KCNH8: variants seen among roughly 807,000 people sequenced by gnomAD.
KCNH8 encodes voltage-gated delayed rectifier potassium channel KCNH8.
Under a neutral mutation model 103.6 loss-of-function variants are expected in KCNH8, and 70 were observed. That is an observed-to-expected ratio of 0.68 (90% CI 0.56 to 0.82). KCNH8 has a LOEUF of 0.82. Ranked by LOEUF, KCNH8 falls within the 40% of genes least tolerant of loss-of-function variation. The pLI, the probability that KCNH8 is intolerant of heterozygous loss-of-function variation, is 0.00. For missense variants in KCNH8, 1,217 were observed against 1,329.9 expected (o/e 0.92, Z 1.32); for synonymous variants, 498 against 489.4 (o/e 1.02, Z -0.23).
chr3:19,170,173 A>G (rs2063327035), intron 1 of KCNH8, among the ~76,000 whole-genome samples: 1 of 152,224 alleles, frequency 6.6e-6, no homozygotes. Flanking sequence ...ATGAATATTG[A>G]GGAAAAAAAC....
intron 1 of KCNH8, among the ~76,000 whole-genome samples, chr3:19,244,482 C>T (rs1407963916): frequency 2.0e-5 from 3 of 152,030 alleles, no homozygotes; most frequent in African/African-American, 7.2e-5. Context: ...TGTGTATATA[C>T]CCAGTAATGG....
intron 1 of KCNH8, among the ~76,000 whole-genome samples, chr3:19,249,329 T>C (rs1271462111): frequency 6.6e-6 from 1 of 152,196 alleles, no homozygotes; most frequent in Non-Finnish European, 1.5e-5. Context: ...ACAGGGACCA[T>C]TCATGTAGCT....
intron 1 of KCNH8, among the ~76,000 whole-genome samples, chr3:19,165,920 G>A (rs769708495): frequency 5.3e-5 from 8 of 152,132 alleles, no homozygotes; most frequent in Non-Finnish European, 1.0e-4. Context: ...AATGCTGAGC[G>A]TGATCCTGTC....
At position 19,533,514 on chromosome 3, in the gene KCNH8, C is replaced by T. The variant is rs749056512; in HGVS notation, c.2739C>T (p.Thr913=). ...QPSRFCSLHS[T]SVCPSRESLQ... ...CACGGTTTTGCTCTTTGCACAGCAC[C>T]TCTGTGTGTCCCTCCAGGGAGAGCT... Residue 913 remains threonine, a synonymous_variant, in exon 16 of 16, where the codon ACC becomes ACT. Transcript: ENST00000328405. 1.2e-6 allele frequency: 2 copies of T among 1,614,184 alleles called. No individual in the cohort carries two copies. The highest frequency in any genetic ancestry group is 4.5e-5 in the East Asian group (2 of 44,852).
At chr3:19,257,208 T>C (rs1310787565) in intron 2 of KCNH8, among the ~76,000 whole-genome samples, 2 of 152,068 alleles carry the variant, frequency 1.3e-5, no homozygotes, top group Non-Finnish European at 2.9e-5. Flanking sequence ...GCTTATCTTA[T>C]CCTCCCCAGA....
chr3:19,533,763 C>T lies in KCNH8; in HGVS notation c.2988C>T (p.Ser996=). 6.2e-7 allele frequency: 1 copy of T among 1,614,180 alleles called. No individual in the cohort carries two copies. The highest frequency in any genetic ancestry group is 8.5e-7 in the Non-Finnish European group (1 of 1,180,006). Residue 996 remains serine (S), a synonymous_variant, in exon 16 of 16, where the codon TCC becomes TCT. Coordinates refer to ENST00000328405, the MANE Select transcript of KCNH8 (RefSeq NM_144633.3). ...YHSPSLDYSP[S]HYQVVQEGHL... ...CTCCAAGCCTTGATTATTCACCTTC[C>T]CACTACCAGGTTGTCCAAGAAGGTC...
At chr3:19,302,136 G>A (rs558763319) in intron 3 of KCNH8, among the ~76,000 whole-genome samples, 2 of 152,056 alleles carry the variant, frequency 1.3e-5, no homozygotes, top group Non-Finnish European at 2.9e-5. Flanking sequence ...CTTCTTTTGG[G>A]GTGTGAGACT....
intron 3 of KCNH8, among the ~76,000 whole-genome samples, chr3:19,292,943 T>G (rs1229372425): frequency 6.6e-6 from 1 of 152,202 alleles, no homozygotes; most frequent in Non-Finnish European, 1.5e-5. Context: ...CATGGCCATT[T>G]CTAGCTCCAA....
chr3:19,252,559 T>A (rs1419268786), intron 1 of KCNH8, among the ~76,000 whole-genome samples: 2 of 151,990 alleles, frequency 1.3e-5, no homozygotes, highest in Non-Finnish European at 2.9e-5. Flanking sequence ...CGGGCTAATT[T>A]TTGTATTTTC....
At chr3:19,403,233 A>G (rs1289336814) in intron 7 of KCNH8, among the ~76,000 whole-genome samples, 1 of 151,016 alleles carries the variant, frequency 6.6e-6, no homozygotes, top group Non-Finnish European at 1.5e-5. Context: ...TTTTTTGAAA[A>G]TCTTTGACCT....
intron 5 of KCNH8, among the ~76,000 whole-genome samples, chr3:19,376,111 C>A (rs556420697): frequency 6.6e-6 from 1 of 152,216 alleles, no homozygotes; most frequent in Admixed American, 6.5e-5. Context: ...CCTCCTTGAG[C>A]TGTGGTGGGC....
chr3:19,357,380 A>G (rs2065893544), intron 5 of KCNH8, among the ~76,000 whole-genome samples: 1 of 151,916 alleles, frequency 6.6e-6, no homozygotes, highest in Non-Finnish European at 1.5e-5. Flanking sequence ...AAGCTGAGAC[A>G]TTGCATCTCC....
At chr3:19,381,622 A>G (rs533151009) in intron 5 of KCNH8, among the ~76,000 whole-genome samples, 70 of 152,274 alleles carry the variant, frequency 4.6e-4, no homozygotes, top group African/African-American at 1.5e-3. Context: ...TAAATGTGCA[A>G]GTAGTTTGTG....
At chr3:19,170,506 C>A (rs897204574) in intron 1 of KCNH8, among the ~76,000 whole-genome samples, 4 of 150,708 alleles carry the variant, frequency 2.7e-5, no homozygotes, top group African/African-American at 9.8e-5. Context: ...GATCATGACT[C>A]CTCCTTACAC....
intron 7 of KCNH8, among the ~76,000 whole-genome samples, chr3:19,423,413 T>TA (rs1197703629): frequency 6.6e-6 from 1 of 152,082 alleles, no homozygotes; most frequent in East Asian, 1.9e-4. Context: ...ACCTATTGTG[T>TA]AGTCTTTTAT....
chr3:19,478,217 C>G (rs746128492), intron 11 of KCNH8, among the ~76,000 whole-genome samples: 7 of 151,832 alleles, frequency 4.6e-5, no homozygotes, highest in Admixed American at 2.0e-4. Flanking sequence ...CATATCTTTG[C>G]TATTGTGACT....
At chr3:19,433,097 A>G (rs2067147191) in intron 7 of KCNH8, among the ~76,000 whole-genome samples, 1 of 152,112 alleles carries the variant, frequency 6.6e-6, no homozygotes, top group Non-Finnish European at 1.5e-5. Flanking sequence ...TGCTTAAGTG[A>G]AATGCTATAC....
intron 11 of KCNH8, among the ~76,000 whole-genome samples, chr3:19,470,102 T>G (rs1224029387): frequency 6.6e-6 from 1 of 152,132 alleles, no homozygotes; most frequent in Non-Finnish European, 1.5e-5. Flanking sequence ...AGAACTAGTG[T>G]GGGACATTGC....
chr3:19,453,982 T>G (rs2067490617), intron 10 of KCNH8, among the ~76,000 whole-genome samples: 1 of 152,114 alleles, frequency 6.6e-6, no homozygotes, highest in African/African-American at 2.4e-5. Context: ...AGGGTTTGTC[T>G]TTCAAATTTG....
Sources: gnomAD v4.1 joint callset for allele counts (sites outside exome capture counted in the v4.1 genomes callset) on GRCh38, gnomAD v4.1.1 for gene constraint, MANE v1.5 for transcripts, NCBI Gene and HGNC (gene_info 2026-07-23, HGNC 2026-07-21) for gene names.